PLCE1: variants seen among roughly 807,000 people sequenced by gnomAD.
PLCE1 encodes phospholipase C epsilon 1.
PLCE1 carries 119 observed loss-of-function variants against 242.8 expected under a neutral mutation model. That is an observed-to-expected ratio of 0.49 (90% CI 0.42 to 0.57). The LOEUF (loss-of-function observed/expected upper bound fraction) is 0.57. Among genes scored for constraint, PLCE1 ranks in the 20% least tolerant of loss-of-function variants. The probability of loss-of-function intolerance (pLI) is 0.00; values close to 1 mark genes in which losing one functional copy is unlikely to be tolerated. For synonymous variants in PLCE1, 945 were observed against 1,017.4 expected (o/e 0.93, Z 1.35); for missense variants, 2,441 against 2,788.8 (o/e 0.88, Z 2.81).
intron 3 of PLCE1, among the ~76,000 whole-genome samples, chr10:94,163,039 G>A (rs562852341): frequency 6.6e-6 from 1 of 152,154 alleles, no homozygotes; most frequent in African/African-American, 2.4e-5. Flanking sequence ...TATAATTTCT[G>A]TTCTTTTACA....
At chr10:94,006,713 T>C (rs1373695847) in intron 1 of PLCE1, among the ~76,000 whole-genome samples, 1 of 152,244 alleles carries the variant, frequency 6.6e-6, no homozygotes, top group African/African-American at 2.4e-5. Flanking sequence ...CACTTTAACA[T>C]TTTTATCAGA....
At chr10:94,327,118 C>T (rs1215734210) in intron 32 of PLCE1, among the ~76,000 whole-genome samples, 2 of 151,946 alleles carry the variant, frequency 1.3e-5, no homozygotes, top group Non-Finnish European at 2.9e-5. Context: ...GCCGAGATTG[C>T]GCCACTGCAC....
chr10:94,313,860 G>A (rs1372757467), intron 28 of PLCE1, among the ~76,000 whole-genome samples: 1 of 152,160 alleles, frequency 6.6e-6, no homozygotes, highest in Non-Finnish European at 1.5e-5. Context: ...GGACCAAGGA[G>A]ACATTTTCTG....
At chr10:94,026,618 A>G (rs1341626359) in intron 1 of PLCE1, among the ~76,000 whole-genome samples, 1 of 152,236 alleles carries the variant, frequency 6.6e-6, no homozygotes, top group East Asian at 1.9e-4. Context: ...GTGAGTAAAT[A>G]GAAAGTTAAC....
At chr10:94,228,820 C>A (rs1456400886) in intron 5 of PLCE1, among the ~76,000 whole-genome samples, 1 of 151,760 alleles carries the variant, frequency 6.6e-6, no homozygotes, top group Admixed American at 6.6e-5. Context: ...GAAAAAAAAA[C>A]AAAGCCTTGG....
intron 9 of PLCE1, 81 bp downstream of exon 9, chr10:94,252,579 G>A: frequency 1.6e-6 from 2 of 1,213,704 alleles, no homozygotes; most frequent in East Asian, 2.5e-5. Context: ...AAACACTTAA[G>A]GTTGTTTGGG....
chr10:94,149,037 T>A (rs2047199383), intron 3 of PLCE1, among the ~76,000 whole-genome samples: 1 of 152,170 alleles, frequency 6.6e-6, no homozygotes, highest in Non-Finnish European at 1.5e-5. Flanking sequence ...TGACACTGGT[T>A]ACAGTAAAGG....
intron 2 of PLCE1, among the ~76,000 whole-genome samples, chr10:94,077,250 G>A (rs571494862): frequency 1.3e-5 from 2 of 152,312 alleles, no homozygotes; most frequent in Admixed American, 6.5e-5. Flanking sequence ...GTCAACAACT[G>A]GGGTGACGGG....
At chr10:94,025,032 C>A (rs749953853) in intron 1 of PLCE1, among the ~76,000 whole-genome samples, 1 of 151,766 alleles carries the variant, frequency 6.6e-6, no homozygotes, top group Non-Finnish European at 1.5e-5. Flanking sequence ...CCCTAAGTCC[C>A]GGAAACAGGC....
chr10:94,251,039 T>C (rs1283342200), intron 8 of PLCE1, among the ~76,000 whole-genome samples: 2 of 152,318 alleles, frequency 1.3e-5, no homozygotes, highest in Middle Eastern at 3.4e-3. Context: ...GGGCTTCTGA[T>C]TGGCTTATTG....
Position 94,246,122 on chromosome 10 carries a change from C to T in PLCE1, c.2597C>T (p.Thr866Met), listed in dbSNP as rs749456827. ...CACCAGTTCCTGCTGCAGGGGGCCA[C>T]GGTCATCCACTACGACCAGGACACA... Reference protein sequence around the residue: ...DVHQFLLQGATVIHYDQDTHL... With the variant: ...DVHQFLLQGAMVIHYDQDTHL... The change falls in exon 8 of 33, where the codon ACG (threonine) becomes ATG (methionine). Residue 866 changes from threonine (T) to methionine (M), a missense_variant. Physicochemically the swap from Thr to Met is moderately conservative, Grantham distance 81 (BLOSUM62 -1). This residue lies in a region of PLCE1 where 733 missense variants were observed against 754.2 expected (regional missense o/e 0.97). Coordinates refer to ENST00000371380, the MANE Select transcript of PLCE1 (RefSeq NM_016341.4). 39 of 1,614,006 alleles carry T rather than the reference C, an allele frequency of 2.4e-5. No homozygotes were observed. The East Asian group carries it at 5.1e-4, about 21-fold the overall frequency.
At chr10:94,256,384 A>G (rs1351268043) in intron 11 of PLCE1, among the ~76,000 whole-genome samples, 1 of 151,612 alleles carries the variant, frequency 6.6e-6, no homozygotes, top group African/African-American at 2.4e-5. Flanking sequence ...ATAGAAAGAA[A>G]AAAGAATCCT....
chr10:94,202,217 A>C (rs898117548), intron 4 of PLCE1, among the ~76,000 whole-genome samples: 1 of 152,232 alleles, frequency 6.6e-6, no homozygotes, highest in Admixed American at 6.5e-5. Context: ...ATCTAGCTCC[A>C]TCAGTCAAGA....
At chr10:94,303,514 T>C (rs2053105826) in intron 24 of PLCE1, among the ~76,000 whole-genome samples, 1 of 152,202 alleles carries the variant, frequency 6.6e-6, no homozygotes, top group Non-Finnish European at 1.5e-5. Flanking sequence ...ATGTGATTAT[T>C]TTTTTTCTTG....
chr10:94,178,006 A>G (rs1463242464), intron 4 of PLCE1, among the ~76,000 whole-genome samples: 1 of 152,084 alleles, frequency 6.6e-6, no homozygotes, highest in Non-Finnish European at 1.5e-5. Context: ...TCTCCTTAAT[A>G]TGTCCTTTGC....
At chr10:94,303,774 G>C (rs1302636067) in intron 24 of PLCE1, among the ~76,000 whole-genome samples, 2 of 152,214 alleles carry the variant, frequency 1.3e-5, no homozygotes, top group African/African-American at 4.8e-5. Context: ...TTCCACATCT[G>C]TGGATTCAAC....
At chr10:94,111,367 A>G (rs1484486534) in intron 2 of PLCE1, among the ~76,000 whole-genome samples, 2 of 152,198 alleles carry the variant, frequency 1.3e-5, no homozygotes, top group South Asian at 2.1e-4. Flanking sequence ...TTTTGGTCAC[A>G]AAAGGAGGTG....
At chr10:94,273,745 A>G (rs2051836304) in intron 19 of PLCE1, 25 bp downstream of exon 19, 4 of 1,606,976 alleles carry the variant, frequency 2.5e-6, no homozygotes, top group African/African-American at 2.7e-5. Context: ...TAAACCAGTT[A>G]TGAAAAGGCA....
Position 94,032,265 on chromosome 10 carries a change from GTTTCTTTTTACCA to G in PLCE1, c.1206+21_1206+33del, listed in dbSNP as rs771949039. ...CCAGTGGTATCCTGTAAGCATTTGA[GTTTCTTTTTACCA>G]TTTCTTTAAACTTGCTTTTTTTTTC... On this transcript the variant is annotated intron_variant, in intron 2 of 32. Transcript: ENST00000371380. 2.0e-5 allele frequency: 33 copies of G among 1,611,922 alleles called. 1 individual carries two copies. The South Asian group carries it at 3.5e-4, about 17-fold the overall frequency.
Sources: gnomAD v4.1 joint callset for allele counts (sites outside exome capture counted in the v4.1 genomes callset) on GRCh38, gnomAD v4.1.1 for gene constraint, gnomAD v4.1.1 regional missense constraint, MANE v1.5 for transcripts, NCBI Gene and HGNC (gene_info 2026-07-23, HGNC 2026-07-21) for gene names.